The following ABLIM2 variants were observed in gnomAD, a reference collection of about 807,000 sequenced individuals.
ABLIM2 encodes actin-binding LIM protein 2.
ABLIM2 carries 53 observed loss-of-function variants against 97.7 expected under a neutral mutation model. That is an observed-to-expected ratio of 0.54 (90% CI 0.44 to 0.68). The LOEUF is 0.68. Ranked by LOEUF, ABLIM2 falls within the 30% of genes least tolerant of loss-of-function variation. ABLIM2 has a pLI of 0.00. For synonymous variants in ABLIM2, 361 were observed against 345.8 expected (o/e 1.04, Z -0.49); for missense variants, 835 against 867.2 (o/e 0.96, Z 0.47).
chr4:8,156,979 C>G (rs1384947821), intron 1 of ABLIM2, among the ~76,000 whole-genome samples: 3 of 152,216 alleles, frequency 2.0e-5, no homozygotes, highest in Non-Finnish European at 2.9e-5. Context: ...AGGGTCTGAG[C>G]TGAGCTGGCC....
Position 8,128,890 on chromosome 4 carries a change from A to G in ABLIM2, c.11-22253T>C, listed in dbSNP as rs1401968975. 6.6e-6 allele frequency among the ~76,000 whole-genome samples: 1 copy of G among 152,210 alleles called. No individual in the cohort carries two copies. The highest frequency in any genetic ancestry group is 1.5e-5 in the Non-Finnish European group (1 of 68,030). On this transcript the variant is annotated intron_variant, in intron 1 of 20. Coordinates refer to ENST00000447017, the MANE Select transcript of ABLIM2 (RefSeq NM_001130083.2). The surrounding 1 kb of genome is among the most constrained non-coding windows in gnomAD (Gnocchi z 4.9). ...CTGCAGCTCAGAAGAGGGCCCACCC[A>G]GAGCCCGACCATGCTGGCACTCTGA...
chr4:8,142,877 C>T (rs911964768), intron 1 of ABLIM2, among the ~76,000 whole-genome samples: 64 of 152,168 alleles, frequency 4.2e-4, no homozygotes, highest in African/African-American at 1.5e-3. Context: ...CTGGCCCGGC[C>T]CTTGAGGAAC....
At chr4:7,980,980 G>T (rs1737876304) in intron 20 of ABLIM2, among the ~76,000 whole-genome samples, 1 of 70,830 alleles carries the variant, frequency 1.4e-5, no homozygotes, top group Non-Finnish European at 2.3e-5. Flanking sequence ...GTCTTGCTCT[G>T]TCGCCCAGGC....
rs1792307257 is a variant in ABLIM2, at chr4:8,046,218, G to A, written c.823-977C>T. ...CCCTGGGCTGATGGTTTTTGTGACT[G>A]TCCTGCCTCTCCCCCCACCTCAGCC... On this transcript the variant is annotated intron_variant, in intron 8 of 20. Transcript: ENST00000447017. This position sits in a 1 kb window ranked among gnomAD's most constrained non-coding sequence, Gnocchi z 4.4. 1.3e-5 allele frequency among the ~76,000 whole-genome samples: 2 copies of A among 152,084 alleles called. No individual in the cohort carries two copies. The highest frequency in any genetic ancestry group is 6.6e-5 in the Admixed American group (1 of 15,264).
Position 8,085,522 on chromosome 4 carries a change from G to C in ABLIM2, c.454+2647C>G, listed in dbSNP as rs1460336330. 6.7e-6 allele frequency among the ~76,000 whole-genome samples: 1 copy of C among 148,526 alleles called. No individual in the cohort carries two copies. Among genetic ancestry groups the C allele is most frequent in the African/African-American group, 2.5e-5 (1 of 40,142 alleles). Reference sequence around the variant, plus strand: ...CAGTCCCGTCCACTCACACGGCTCTGGGGGTGCCCACGCTGCAGCCCCGTC... The same window carrying C: ...CAGTCCCGTCCACTCACACGGCTCTCGGGGTGCCCACGCTGCAGCCCCGTC... On this transcript the variant is annotated intron_variant, in intron 4 of 20. Transcript: ENST00000447017. The surrounding 1 kb of genome is among the most constrained non-coding windows in gnomAD (Gnocchi z 6.1).
At chr4:8,064,757 T>C (rs1436878175) in intron 6 of ABLIM2, among the ~76,000 whole-genome samples, 1 of 152,104 alleles carries the variant, frequency 6.6e-6, no homozygotes, top group Non-Finnish European at 1.5e-5. Context: ...TAGGGTGCCC[T>C]TGGGGACTCA....
At chr4:8,105,009 G>C (rs1485226369) in intron 2 of ABLIM2, among the ~76,000 whole-genome samples, 1 of 152,146 alleles carries the variant, frequency 6.6e-6, no homozygotes, top group Non-Finnish European at 1.5e-5. Flanking sequence ...AGAAACCCAG[G>C]AGGGAAGACC....
intron 12 of ABLIM2, chr4:8,020,943 A>G (rs2150923099): frequency 1.4e-5 from 2 of 139,660 alleles, no homozygotes; most frequent in South Asian, 4.4e-4. Flanking sequence ...TGCAGACTCC[A>G]CCTTCTGGGC....
intron 8 of ABLIM2, among the ~76,000 whole-genome samples, chr4:8,051,409 T>C (rs2151916095): frequency 6.6e-6 from 1 of 151,370 alleles, no homozygotes; most frequent in African/African-American, 2.4e-5. Context: ...ATACAAAAAT[T>C]AGCTGGACGT....
At chr4:8,020,128 C>T (rs1223286895) in intron 13 of ABLIM2, 74 bp downstream of exon 13, 4 of 1,393,918 alleles carry the variant, frequency 2.9e-6, no homozygotes, top group African/African-American at 1.4e-5. Flanking sequence ...GGCAAGCTGA[C>T]AGTTTGGGTG....
intron 10 of ABLIM2, among the ~76,000 whole-genome samples, chr4:8,030,452 G>A (rs192759791): frequency 6.6e-6 from 1 of 152,330 alleles, no homozygotes; most frequent in African/African-American, 2.4e-5. Flanking sequence ...CTGCTGCAGG[G>A]TGGAGGTTGC....
intron 1 of ABLIM2, among the ~76,000 whole-genome samples, chr4:8,145,742 TCATACA>T (rs751459689): frequency 9.7e-4 from 88 of 90,840 alleles, no homozygotes; most frequent in Middle Eastern, 6.3e-3. Context: ...GACTACACAC[TCATACA>T]CACACACACA....
In ABLIM2 at chr4:8,071,752, C is replaced by T. The variant is rs867092735; in HGVS notation, c.675+5876G>A. 3.4e-4 allele frequency: 337 copies of T among 981,490 alleles called. No individual in the cohort carries two copies. In the Middle Eastern group the frequency reaches 6.3e-3, roughly 18 times the overall value. The allele number at this position is 981,490 out of a possible 1,614,324, so 60.8% of individuals were successfully genotyped here. A position where few individuals can be genotyped will look rare whatever the true frequency, so the allele number is the denominator to read the frequency against. On this transcript the variant is annotated intron_variant, in intron 6 of 20. Transcript: ENST00000447017. This position sits in a 1 kb window ranked among gnomAD's most constrained non-coding sequence, Gnocchi z 6.2. ...AGCCCCCATCAGCCCCTTGGAGTTG[C>T]GGGCCAGGTTTCCTACCTGCACAGC...
rs989947244 is a variant in ABLIM2, at chr4:8,124,618, G to T, written c.11-17981C>A. 1.3e-5 allele frequency among the ~76,000 whole-genome samples: 2 copies of T among 152,186 alleles called. No homozygotes were observed. The highest frequency in any genetic ancestry group is 1.3e-4 in the Admixed American group (2 of 15,270). On this transcript the variant is annotated intron_variant, in intron 1 of 20. Coordinates refer to ENST00000447017, the MANE Select transcript of ABLIM2 (RefSeq NM_001130083.2). This position sits in a 1 kb window ranked among gnomAD's most constrained non-coding sequence, Gnocchi z 6.1. ...CCTTTTGATGGCTGAGAAATATTCC[G>T]TTGTACAGACAGACCCTATTTGGCT...
chr4:8,105,892 C>T (rs55938764), intron 2 of ABLIM2, among the ~76,000 whole-genome samples: 4,482 of 152,078 alleles, frequency 0.029, 228 homozygotes, highest in African/African-American at 0.098. Flanking sequence ...AGACTCGGCA[C>T]AGGCCATCTC....
intron 12 of ABLIM2, among the ~76,000 whole-genome samples, chr4:8,025,371 T>G (rs1157751931): frequency 6.6e-6 from 1 of 151,990 alleles, no homozygotes; most frequent in African/African-American, 2.4e-5. Context: ...GGAGATGCCC[T>G]TGGAGGGGCT....
chr4:8,008,927 C>T (rs776629240), intron 15 of ABLIM2, 123 bp downstream of exon 15: 19 of 1,180,574 alleles, frequency 1.6e-5, no homozygotes, highest in South Asian at 6.8e-5. Context: ...CCTTTGGCCT[C>T]GCAGGGCCCC....
At chr4:7,971,236 G>T (rs1279441057) in intron 20 of ABLIM2, among the ~76,000 whole-genome samples, 1 of 152,186 alleles carries the variant, frequency 6.6e-6, no homozygotes, top group Non-Finnish European at 1.5e-5. Context: ...GGGCAGGCAG[G>T]GTGGGTGAGG....
At position 7,970,107 on chromosome 4, in the gene ABLIM2, C is replaced by T. The variant is rs555732888; in HGVS notation, c.1825-3004G>A. On this transcript the variant is annotated intron_variant, in intron 20 of 20. Transcript: ENST00000447017. The surrounding 1 kb of genome is among the most constrained non-coding windows in gnomAD (Gnocchi z 5.3). ...AAAGGAAAATCATTTCTAGCTTTAT[C>T]CAAGACCTGGTGATACCAGACCTTG... Among the ~76,000 whole-genome samples, 7 of 152,340 alleles carry T rather than the reference C, an allele frequency of 4.6e-5. No individual in the cohort carries two copies. Among genetic ancestry groups the T allele is most frequent in the African/African-American group, 1.2e-4 (5 of 41,582 alleles).
Sources: gnomAD v4.1 joint callset for allele counts (sites outside exome capture counted in the v4.1 genomes callset) on GRCh38, gnomAD v4.1.1 for gene constraint, Gnocchi (gnomAD v3.1) non-coding constraint, MANE v1.5 for transcripts, NCBI Gene and HGNC (gene_info 2026-07-23, HGNC 2026-07-21) for gene names.